Variants in GEN1 observed in about 807,000 individuals in gnomAD.
GEN1 encodes flap endonuclease GEN homolog 1.
GEN1 carries 64 observed loss-of-function variants against 67.6 expected under a neutral mutation model. That is an observed-to-expected ratio of 0.95 (90% CI 0.77 to 1.17). The LOEUF is 1.17. Ranked by LOEUF, GEN1 falls within the 50% of genes most tolerant of loss-of-function variation. GEN1 has a pLI of 0.00. For synonymous variants in GEN1, 371 were observed against 359.4 expected, an observed-to-expected ratio of 1.03 and a Z score of -0.37; for missense variants, 1,058 against 1,048.3, an observed-to-expected ratio of 1.01 and a Z score of -0.13.
At chr2:17,772,508 C>T (rs1456849575) in intron 7 of GEN1, 126 bp from the exon 8 acceptor site, 5 of 641,692 alleles carry the variant, frequency 7.8e-6, no homozygotes, top group Admixed American at 3.0e-5. Context: ...TGAAACCTTT[C>T]TATATGCTAG....
intron 11 of GEN1, among the ~76,000 whole-genome samples, chr2:17,775,968 T>G (rs913716832): frequency 6.6e-6 from 1 of 151,724 alleles, no homozygotes; most frequent in African/African-American, 2.4e-5. Context: ...TACAAAAAAT[T>G]AGCCAGGCGT....
intron 11 of GEN1, among the ~76,000 whole-genome samples, chr2:17,775,694 G>A (rs968851640): frequency 8.5e-5 from 13 of 152,072 alleles, no homozygotes; most frequent in African/African-American, 3.1e-4. Context: ...AAGGAAAAAT[G>A]GTATCTTCAA....
Position 17,782,026 on chromosome 2 carries a change from TA to T in GEN1, c.*92del, listed in dbSNP as rs1672866777. 5 of 714,612 alleles carry T rather than the reference TA, an allele frequency of 7.0e-6. No individual in the cohort carries two copies. In the East Asian group the frequency reaches 1.3e-4, roughly 19 times the overall value. The allele number at this position is 714,612 out of a possible 1,614,324, so 44.3% of individuals were successfully genotyped here. ...GGGAAGGTATCTAGTTCATGTGTGG[TA>T]AAAATTTTAATGTTCTCTGTGTCAT... On this transcript the variant is annotated 3_prime_UTR_variant, in exon 14 of 14. Coordinates refer to ENST00000381254, the MANE Select transcript of GEN1 (RefSeq NM_001130009.3).
At position 17,780,121 on chromosome 2, in the gene GEN1, C is replaced by T. The variant is rs754490164; in HGVS notation, c.1408C>T (p.Arg470Cys). The T allele has an allele frequency of 2.4e-5, 39 of 1,609,360 alleles. No individual in the cohort carries two copies. The highest frequency in any genetic ancestry group is 2.1e-4 in the South Asian group (19 of 90,674). Residue 470 changes from arginine (R) to cysteine (C), a missense_variant and splice_region_variant, in exon 13 of 14, where the codon CGT becomes TGT. Transcript: ENST00000381254. ...KLEIKGKKQK[R>C]IKPKENNLPE... ...AGAAATTAAAGGGAAGAAACAAAAA[C>T]GTAAGTTTTGGGTTTGATAGCTATT...
chr2:17,761,294 C>T (rs558195788), intron 2 of GEN1, 102 bp from the exon 3 acceptor site: 15 of 630,408 alleles, frequency 2.4e-5, no homozygotes, highest in Admixed American at 3.1e-5. Flanking sequence ...ATTACATTAA[C>T]GTTTTTGATA....
intron 1 of GEN1, chr2:17,754,844 G>C (rs973291719): frequency 6.6e-6 from 1 of 152,218 alleles, no homozygotes; most frequent in African/African-American, 2.4e-5. Context: ...ATAAACGTCA[G>C]AAGTAATGAA....
At chr2:17,761,145 C>G (rs1036076716) in intron 2 of GEN1, among the ~76,000 whole-genome samples, 1 of 150,960 alleles carries the variant, frequency 6.6e-6, no homozygotes, top group Non-Finnish European at 1.5e-5. Flanking sequence ...GCAGGAAGAT[C>G]ACTTGAGCCA....
At position 17,766,707 on chromosome 2, in the gene GEN1, T is replaced by G; in HGVS notation, c.636+18T>G. The stretch of plus-strand genomic sequence containing the variant: ...TCCCAAAGGTAAGCTGAAATTGTCA[T>G]ATTTATTTGCTATTCATAAAGTCTT... On this transcript the variant is annotated intron_variant, in intron 5 of 13. Coordinates refer to ENST00000381254, the MANE Select transcript of GEN1 (RefSeq NM_001130009.3). The G allele has an allele frequency of 2.2e-6, 3 of 1,334,770 alleles. No individual in the cohort carries two copies. Among genetic ancestry groups the G allele is most frequent in the Non-Finnish European group, 3.2e-6 (3 of 927,430 alleles). 82.7% of individuals were successfully genotyped at this position (1,334,770 alleles called of 1,614,324 possible).
intron 1 of GEN1, among the ~76,000 whole-genome samples, chr2:17,757,668 C>T (rs1671493728): frequency 6.6e-6 from 1 of 152,150 alleles, no homozygotes; most frequent in Non-Finnish European, 1.5e-5. Context: ...ATGTGAATTT[C>T]TCTTCCCTCA....
At position 17,772,758 on chromosome 2, in the gene GEN1, C is replaced by T. The variant is rs1472800108; in HGVS notation, c.927C>T (p.Leu309=). The change falls in exon 8 of 14, where the codon CTC becomes CTT. Residue 309 remains leucine, a synonymous_variant. Coordinates refer to ENST00000381254, the MANE Select transcript of GEN1 (RefSeq NM_001130009.3). ...EWHRTEHDRQ[L]SEVENNIKKK... Reference sequence around the variant, plus strand: ...ACCGTACAGAACATGATAGGCAACTCAGTGAAGTAGAGAACAATATTAAGA... The same window carrying T: ...ACCGTACAGAACATGATAGGCAACTTAGTGAAGTAGAGAACAATATTAAGA... The T allele has an allele frequency of 1.2e-6, 2 of 1,611,096 alleles. No homozygotes were observed. Among genetic ancestry groups the T allele is most frequent in the African/African-American group, 1.3e-5 (1 of 74,872 alleles).
At chr2:17,769,366 C>T (rs980871525) in intron 6 of GEN1, among the ~76,000 whole-genome samples, 2 of 152,106 alleles carry the variant, frequency 1.3e-5, no homozygotes, top group Non-Finnish European at 2.9e-5. Flanking sequence ...GCATGAGCCA[C>T]GGTGCCCAGC....
At chr2:17,777,908 GA>G (rs545226606) in intron 11 of GEN1, 93 bp from the exon 12 acceptor site, 130 of 673,970 alleles carry the variant, frequency 1.9e-4, no homozygotes, top group South Asian at 2.8e-4. Flanking sequence ...TTTTACCTGG[GA>G]AAAAAAAATC....
At chr2:17,760,151 CT>C (rs1213252217) in intron 2 of GEN1, 47 bp downstream of exon 2, 1 of 1,504,408 alleles carries the variant, frequency 6.6e-7, no homozygotes, top group Non-Finnish European at 9.0e-7. Flanking sequence ...TATAAACAGT[CT>C]TGGTATCTTG....
chr2:17,769,019 A>C (rs776067804), intron 6 of GEN1, among the ~76,000 whole-genome samples: 1 of 150,476 alleles, frequency 6.6e-6, no homozygotes, highest in African/African-American at 2.4e-5. Flanking sequence ...GCCGTATTGC[A>C]TTTTTTTTTC....
intron 6 of GEN1, 192 bp from the exon 7 acceptor site, chr2:17,771,004 T>C: frequency 1.5e-6 from 1 of 648,990 alleles, no homozygotes; most frequent in Non-Finnish European, 2.8e-6. Flanking sequence ...AGTTCTGCTG[T>C]CCTTGGGCCT....
rs750658479 is a variant in GEN1 at position 17,773,083 on chromosome 2, A to AT, written c.954-4dup. Reference sequence around the variant, plus strand: ...TGATTATAGTAATAACATGTATATAATTTTTTTTTCAGGAAAGCTTGCTGT... The same window carrying AT: ...TGATTATAGTAATAACATGTATATAATTTTTTTTTTCAGGAAAGCTTGCTGT... On this transcript the variant is annotated splice_polypyrimidine_tract_variant and intron_variant, in intron 8 of 13. Coordinates refer to ENST00000381254, the MANE Select transcript of GEN1 (RefSeq NM_001130009.3). The AT allele has an allele frequency of 9.7e-4, 1,463 of 1,505,376 alleles. No individual in the cohort carries two copies. The highest frequency in any genetic ancestry group is 1.1e-3 in the Non-Finnish European group (1,246 of 1,087,646). The allele number at this position is 1,505,376 out of a possible 1,614,324, so 93.3% of individuals were successfully genotyped here. A position where few individuals can be genotyped will look rare whatever the true frequency, so the allele number is the denominator to read the frequency against.
chr2:17,772,541 T>C (rs996483723), intron 7 of GEN1, 93 bp from the exon 8 acceptor site: 3 of 1,136,858 alleles, frequency 2.6e-6, no homozygotes, highest in Non-Finnish European at 3.7e-6. Flanking sequence ...GCAATATTAA[T>C]TTTGGAAAAT....
chr2:17,784,943 C>A lies in GEN1; in HGVS notation c.*3004C>A, dbSNP rs562796174. 5 of 152,326 alleles carry A rather than the reference C, an allele frequency of 3.3e-5. No individual in the cohort carries two copies. The East Asian group carries it at 9.6e-4, about 29-fold the overall frequency. 9.4% of individuals were successfully genotyped at this position (152,326 alleles called of 1,614,324 possible). A position where few individuals can be genotyped will look rare whatever the true frequency, so the allele number is the denominator to read the frequency against. The stretch of plus-strand genomic sequence containing the variant: ...TACCAGTCCATCACCTGTCAGGAAC[C>A]GGCCTGCACAGCAGGTGTTGAGCGG... On this transcript the variant is annotated 3_prime_UTR_variant, in exon 14 of 14. Coordinates refer to ENST00000381254, the MANE Select transcript of GEN1 (RefSeq NM_001130009.3).
At chr2:17,779,902 G>A in intron 12 of GEN1, 76 bp from the exon 13 acceptor site, 2 of 1,207,712 alleles carry the variant, frequency 1.7e-6, no homozygotes, top group Non-Finnish European at 2.3e-6. Flanking sequence ...TTACAGGTGT[G>A]AGCCATCAAG....
Sources: gnomAD v4.1 joint callset for allele counts (sites outside exome capture counted in the v4.1 genomes callset) on GRCh38, gnomAD v4.1.1 for gene constraint, MANE v1.5 for transcripts, NCBI Gene and HGNC (gene_info 2026-07-23, HGNC 2026-07-21) for gene names.